TENM3: variants seen among roughly 807,000 people sequenced by gnomAD.
The protein encoded by TENM3 is teneurin transmembrane protein 3.
Under a neutral mutation model 255.1 loss-of-function variants are expected in TENM3, and 63 were observed. The observed-to-expected ratio is 0.25, with a 90% confidence interval of 0.20 to 0.30. The LOEUF is 0.30. TENM3 is among the 10% of genes least tolerant of loss of function. TENM3 has a pLI of 1.00. For missense variants in TENM3, 2,929 were observed against 3,461.1 expected (o/e 0.85, Z 3.86); for synonymous variants, 1,306 against 1,322.3 (o/e 0.99, Z 0.27).
the TENM3 span, among the ~76,000 whole-genome samples, chr4:181,806,235 A>G: frequency 1.3e-5 from 2 of 152,156 alleles, no homozygotes; most frequent in African/African-American, 2.4e-5. Flanking sequence ...CATGAATCCC[A>G]TATGTCATTG....
chr4:182,369,805 C>T (rs896753703), intron 3 of TENM3, among the ~76,000 whole-genome samples: 31 of 152,034 alleles, frequency 2.0e-4, no homozygotes, highest in Non-Finnish European at 3.4e-4. Context: ...TGCTCGAACC[C>T]GGGAGGCGGT....
chr4:181,460,396 T>C, the TENM3 span, among the ~76,000 whole-genome samples: 3 of 151,954 alleles, frequency 2.0e-5, no homozygotes, highest in African/African-American at 7.2e-5. Flanking sequence ...ACTTTATCTG[T>C]AGGTTTACTG....
At chr4:182,798,763 C>G (rs556778425) in intron 27 of TENM3, among the ~76,000 whole-genome samples, 1 of 152,128 alleles carries the variant, frequency 6.6e-6, no homozygotes, top group Non-Finnish European at 1.5e-5. Context: ...AAGAAGTGCA[C>G]CATAAGGACA....
chr4:182,349,041 G>T (rs1765009670), intron 3 of TENM3, among the ~76,000 whole-genome samples: 1 of 152,214 alleles, frequency 6.6e-6, no homozygotes, highest in African/African-American at 2.4e-5. Flanking sequence ...GCAGAATGAA[G>T]AGAGACAGGG....
the TENM3 span, among the ~76,000 whole-genome samples, chr4:181,934,310 A>G: frequency 1.3e-5 from 2 of 152,204 alleles, no homozygotes; most frequent in African/African-American, 4.8e-5. Context: ...GGCGGTGCAT[A>G]TTAATATTTT....
chr4:182,728,854 G>A (rs759506366), intron 13 of TENM3, 111 bp from the exon 14 acceptor site: 49 of 768,712 alleles, frequency 6.4e-5, no homozygotes, highest in Admixed American at 2.0e-4. Flanking sequence ...TCAGATAGTC[G>A]GGAGAAATCA....
chr4:182,263,366 G>T (rs1172266776), intron 1 of TENM3, among the ~76,000 whole-genome samples: 1 of 152,072 alleles, frequency 6.6e-6, no homozygotes, highest in East Asian at 1.9e-4. Context: ...AAAGGCAGAG[G>T]CGCTTGACCT....
the TENM3 span, among the ~76,000 whole-genome samples, chr4:181,500,391 G>C: frequency 1.3e-5 from 2 of 151,850 alleles, no homozygotes; most frequent in African/African-American, 4.8e-5. Context: ...CCGGGGGATC[G>C]GGGGTGGGGG....
chr4:181,488,003 G>A, the TENM3 span, among the ~76,000 whole-genome samples: 2 of 152,178 alleles, frequency 1.3e-5, no homozygotes, highest in African/African-American at 2.4e-5. Flanking sequence ...AATGAGACCT[G>A]AATTGCATAT....
chr4:182,501,091 G>A (rs1042164503), intron 3 of TENM3, among the ~76,000 whole-genome samples: 11 of 152,080 alleles, frequency 7.2e-5, no homozygotes, highest in African/African-American at 2.7e-4. Context: ...AAGCCACACA[G>A]CATTGGTCAT....
chr4:182,404,103 A>G (rs571127871), intron 3 of TENM3, among the ~76,000 whole-genome samples: 4 of 152,258 alleles, frequency 2.6e-5, no homozygotes, highest in East Asian at 1.9e-4. Flanking sequence ...CCTTTTTTCA[A>G]TCACTGTCAG....
the TENM3 span, among the ~76,000 whole-genome samples, chr4:181,928,311 A>C: frequency 6.6e-6 from 1 of 152,016 alleles, no homozygotes; most frequent in Admixed American, 6.5e-5. Context: ...GTTAACTAGA[A>C]TAACCAGTTT....
chr4:181,842,146 T>C, the TENM3 span, among the ~76,000 whole-genome samples: 1 of 152,308 alleles, frequency 6.6e-6, no homozygotes, highest in Non-Finnish European at 1.5e-5. Context: ...GCCAGTCAAA[T>C]GTAATAATTA....
chr4:182,770,786 T>C (rs1764140099), intron 22 of TENM3, among the ~76,000 whole-genome samples: 1 of 152,208 alleles, frequency 6.6e-6, no homozygotes, highest in African/African-American at 2.4e-5. Context: ...CCTCACGCTT[T>C]AGCTTGCACG....
At chr4:182,514,936 G>A (rs9994845) in intron 3 of TENM3, among the ~76,000 whole-genome samples, 1,777 of 152,282 alleles carry the variant, frequency 0.012, 35 homozygotes, top group African/African-American at 0.041. Context: ...GAGAGAGTGA[G>A]AAACAATAGT....
chr4:181,601,928 A>G, the TENM3 span, among the ~76,000 whole-genome samples: 1 of 152,172 alleles, frequency 6.6e-6, no homozygotes, highest in Admixed American at 6.5e-5. Context: ...CTCCAGCTGC[A>G]TATCACCTCT....
At chr4:182,387,630 C>G (rs563755584) in intron 3 of TENM3, among the ~76,000 whole-genome samples, 73 of 152,242 alleles carry the variant, frequency 4.8e-4, no homozygotes, top group African/African-American at 1.7e-3. Flanking sequence ...CAGTTTCACT[C>G]CTGAGCCCAG....
In TENM3 at chr4:182,628,634, A is replaced by T; in HGVS notation, c.750-17A>T. On this transcript the variant is annotated splice_polypyrimidine_tract_variant and intron_variant, in intron 4 of 27. Transcript: ENST00000511685. Reference sequence around the variant, plus strand: ...TAACATATTTGTATCTTATAATGATATTCTCCTTTTCCACAGGCATTTCCT... The same window carrying T: ...TAACATATTTGTATCTTATAATGATTTTCTCCTTTTCCACAGGCATTTCCT... The T allele has an allele frequency of 1.4e-6, 2 of 1,456,592 alleles. No individual in the cohort carries two copies. Among genetic ancestry groups the T allele is most frequent in the Non-Finnish European group, 1.9e-6 (2 of 1,057,162 alleles). 90.2% of individuals were successfully genotyped at this position (1,456,592 alleles called of 1,614,324 possible). A position where few individuals can be genotyped will look rare whatever the true frequency, so the allele number is the denominator to read the frequency against.
At chr4:181,553,586 T>C in the TENM3 span, among the ~76,000 whole-genome samples, 202 of 151,692 alleles carry the variant, frequency 1.3e-3, 1 homozygote, top group East Asian at 0.015. Flanking sequence ...GGACTACGGG[T>C]GCCTGCCACC....
Sources: gnomAD v4.1 joint callset for allele counts (sites outside exome capture counted in the v4.1 genomes callset) on GRCh38, gnomAD v4.1.1 for gene constraint, MANE v1.5 for transcripts, NCBI Gene and HGNC (gene_info 2026-07-23, HGNC 2026-07-21) for gene names.